OPHN1: variants seen among roughly 807,000 people sequenced by gnomAD.
OPHN1 encodes the protein oligophrenin-1.
In OPHN1, 11 loss-of-function variants were observed where a neutral mutation model predicts 60.7. That is an observed-to-expected ratio of 0.18 (90% confidence interval 0.11 to 0.30). OPHN1 has a LOEUF of 0.30. OPHN1 is among the 10% of genes least tolerant of loss of function. The pLI, the probability that OPHN1 is intolerant of heterozygous loss-of-function variation, is 1.00. For synonymous variants in OPHN1, 226 were observed against 222.6 expected (o/e 1.02, Z -0.14); for missense variants, 449 against 611.0 (o/e 0.73, Z 2.80).
chrX:68,165,039 A>T (rs1451567569), intron 15 of OPHN1, among the ~76,000 whole-genome samples: 1 of 111,885 alleles, frequency 8.9e-6, no homozygotes, highest in Non-Finnish European at 1.9e-5. Context: ...AAAGAATTGA[A>T]GAGTTAGAGT....
chrX:68,248,031 A>G (rs2077815495), intron 5 of OPHN1, among the ~76,000 whole-genome samples: 1 of 111,702 alleles, frequency 9.0e-6, no homozygotes, highest in African/African-American at 3.3e-5. Context: ...CATCAGAACC[A>G]AAAATCATGT....
intron 19 of OPHN1, among the ~76,000 whole-genome samples, chrX:68,091,573 T>C (rs1341709539): frequency 9.0e-6 from 1 of 111,377 alleles, no homozygotes; most frequent in Non-Finnish European, 1.9e-5. Context: ...TCATATAAAA[T>C]GAAAAGCTTG....
chrX:68,379,160 G>A (rs2078579928), intron 2 of OPHN1, among the ~76,000 whole-genome samples: 1 of 111,036 alleles, frequency 9.0e-6, no homozygotes, highest in Non-Finnish European at 1.9e-5. Context: ...TCCCTTGTAA[G>A]TTGGATTCCT....
intron 2 of OPHN1, among the ~76,000 whole-genome samples, chrX:68,378,742 T>C (rs1321236725): frequency 9.0e-6 from 1 of 111,561 alleles, no homozygotes. Context: ...CAGATAGTTG[T>C]AGATATGTGG....
chrX:68,152,011 C>T (rs1264319008), intron 15 of OPHN1, among the ~76,000 whole-genome samples: 3 of 110,457 alleles, frequency 2.7e-5, no homozygotes, highest in African/African-American at 9.9e-5. Context: ...GGGGGTGCTA[C>T]ACACTTTAAA....
intron 19 of OPHN1, among the ~76,000 whole-genome samples, chrX:68,086,830 A>G (rs937003561): frequency 9.0e-6 from 1 of 111,381 alleles, no homozygotes; most frequent in Non-Finnish European, 1.9e-5. Context: ...AGATCAACTC[A>G]CTGGGGAGAA....
rs73541327 is a variant in OPHN1, at chrX:68,408,536, C to G, written c.154+24331G>C. On this transcript the variant is annotated intron_variant, in intron 2 of 24. Coordinates refer to ENST00000355520, the MANE Select transcript of OPHN1 (RefSeq NM_002547.3). ...AGACCGTTTTTGGAAAGGCAAGCCTCTAGACTCCCAGCTTTATTCTGGATA... is the reference window on the plus strand; with the variant it reads ...AGACCGTTTTTGGAAAGGCAAGCCTGTAGACTCCCAGCTTTATTCTGGATA... Among the ~76,000 whole-genome samples, 1,069 of 112,482 alleles carry G rather than the reference C, an allele frequency of 9.5e-3. 10 individuals are homozygous for G. Among genetic ancestry groups the G allele is most frequent in the African/African-American group, 0.032 (996 of 31,045 alleles).
At chrX:68,276,173 G>C (rs964681511) in intron 4 of OPHN1, among the ~76,000 whole-genome samples, 2 of 111,662 alleles carry the variant, frequency 1.8e-5, no homozygotes, top group Non-Finnish European at 3.8e-5. Context: ...CCCAAAGTTT[G>C]CTGATTTTTA....
intron 6 of OPHN1, among the ~76,000 whole-genome samples, chrX:68,218,593 C>G (rs1165769232): frequency 9.1e-6 from 1 of 110,289 alleles, no homozygotes; most frequent in African/African-American, 3.3e-5. Context: ...GGCAGAAACC[C>G]TACAAGCCAG....
chrX:68,376,993 G>A (rs1211921632), intron 2 of OPHN1, among the ~76,000 whole-genome samples: 3 of 104,138 alleles, frequency 2.9e-5, no homozygotes, highest in African/African-American at 1.1e-4. Context: ...GCAGTGGCAC[G>A]ATCTCGGCTC....
intron 2 of OPHN1, among the ~76,000 whole-genome samples, chrX:68,343,222 C>T (rs372771237): frequency 2.0e-5 from 2 of 100,420 alleles, no homozygotes; most frequent in Non-Finnish European, 4.0e-5. Context: ...TACAGTGAGT[C>T]GAGATCATGC....
At chrX:68,243,970 T>C (rs745569393) in intron 5 of OPHN1, among the ~76,000 whole-genome samples, 1 of 112,187 alleles carries the variant, frequency 8.9e-6, no homozygotes, top group Non-Finnish European at 1.9e-5. Context: ...ATTGATCATA[T>C]CATTCCCCAC....
intron 10 of OPHN1, 29 bp downstream of exon 10, chrX:68,206,544 C>G (rs1194347449): frequency 1.9e-6 from 2 of 1,078,393 alleles, no homozygotes; most frequent in Non-Finnish European, 1.3e-6. Context: ...AGATCCATTT[C>G]CAAAAATATG....
Position 68,409,238 on chromosome X carries a change from G to A in OPHN1, c.154+23629C>T, listed in dbSNP as rs143026531. ...AAAGGTGAACTGTACCTAAGATTGC[G>A]TGGTTAGCAAAGATTTAAGACTAGA... On this transcript the variant is annotated intron_variant, in intron 2 of 24. Transcript: ENST00000355520. Among the ~76,000 whole-genome samples the A allele has an allele frequency of 5.9e-4, 66 of 111,656 alleles. No homozygotes were observed. The East Asian group carries it at 0.016, about 27-fold the overall frequency.
chrX:68,426,555 TA>T (rs199671756), intron 2 of OPHN1, among the ~76,000 whole-genome samples: 5,635 of 65,144 alleles, frequency 0.087, 591 homozygotes, highest in African/African-American at 0.23. Context: ...ATCTGTTTTA[TA>T]TATATATATA....
At chrX:68,048,031 C>T (rs2076837953) in intron 24 of OPHN1, among the ~76,000 whole-genome samples, 2 of 111,041 alleles carry the variant, frequency 1.8e-5, no homozygotes, top group African/African-American at 6.6e-5. Flanking sequence ...CCTTAAAGGC[C>T]CGAGAGGTGT....
At chrX:68,103,074 C>T (rs1216612165) in intron 18 of OPHN1, among the ~76,000 whole-genome samples, 1 of 111,830 alleles carries the variant, frequency 8.9e-6, no homozygotes, top group Admixed American at 9.5e-5. Context: ...GACACAACAA[C>T]AACAAAAACT....
intron 2 of OPHN1, among the ~76,000 whole-genome samples, chrX:68,319,518 T>G (rs1389945098): frequency 9.0e-6 from 1 of 110,734 alleles, no homozygotes; most frequent in African/African-American, 3.3e-5. Flanking sequence ...GGTGGATCAC[T>G]TGAGCACAGG....
At chrX:68,190,332 T>C (rs1188660154) in intron 15 of OPHN1, among the ~76,000 whole-genome samples, 1 of 111,981 alleles carries the variant, frequency 8.9e-6, no homozygotes, top group Non-Finnish European at 1.9e-5. Context: ...GATGCCCGGG[T>C]AGGCACACAA....
Sources: gnomAD v4.1 joint callset for allele counts (sites outside exome capture counted in the v4.1 genomes callset) on GRCh38, gnomAD v4.1.1 for gene constraint, MANE v1.5 for transcripts, NCBI Gene and HGNC (gene_info 2026-07-23, HGNC 2026-07-21) for gene names.